ZCCHC7: variants seen among roughly 807,000 people sequenced by gnomAD.
ZCCHC7 encodes zinc finger CCHC domain-containing protein 7.
ZCCHC7 carries 35 observed loss-of-function variants against 52.0 expected under a neutral mutation model. The observed-to-expected ratio is 0.67, with a 90% CI of 0.51 to 0.89. The LOEUF is 0.89. ZCCHC7 is among the 40% of genes least tolerant of loss of function. The pLI is 0.00. For missense variants in ZCCHC7, 574 were observed against 649.1 expected (o/e 0.88, Z 1.26); for synonymous variants, 217 against 221.5 (o/e 0.98, Z 0.18).
At chr9:37,347,926 C>G (rs531520382) in intron 6 of ZCCHC7, among the ~76,000 whole-genome samples, 1 of 152,322 alleles carries the variant, frequency 6.6e-6, no homozygotes, top group South Asian at 2.1e-4. Context: ...ACTGTATTCT[C>G]CTATGTCTCT....
chr9:37,283,984 G>A (rs1828092549), intron 2 of ZCCHC7, among the ~76,000 whole-genome samples: 1 of 151,650 alleles, frequency 6.6e-6, no homozygotes, highest in African/African-American at 2.4e-5. Flanking sequence ...TTTTCCCTGG[G>A]GTGAAACAAA....
At chr9:37,273,535 AC>A (rs1827535601) in intron 2 of ZCCHC7, among the ~76,000 whole-genome samples, 1 of 152,156 alleles carries the variant, frequency 6.6e-6, no homozygotes, top group Non-Finnish European at 1.5e-5. Context: ...GTGTCCTGAC[AC>A]CTACTCTTAG....
intron 2 of ZCCHC7, among the ~76,000 whole-genome samples, chr9:37,130,334 CT>C (rs34589957): frequency 0.074 from 4,541 of 61,684 alleles, 77 homozygotes; most frequent in Non-Finnish European, 0.087. Flanking sequence ...GAATTCTCTC[CT>C]TTTTTTTTTT....
At chr9:37,149,902 G>A (rs766701772) in intron 2 of ZCCHC7, among the ~76,000 whole-genome samples, 1 of 152,130 alleles carries the variant, frequency 6.6e-6, no homozygotes, top group African/African-American at 2.4e-5. Flanking sequence ...AAATCAAGAC[G>A]CTGCTAAAAG....
intron 2 of ZCCHC7, among the ~76,000 whole-genome samples, chr9:37,279,016 TA>T (rs1398074303): frequency 6.6e-6 from 1 of 152,120 alleles, no homozygotes; most frequent in Non-Finnish European, 1.5e-5. Context: ...CTGTCTCTAT[TA>T]AAAAAATTAA....
At chr9:37,154,331 A>G (rs1298305660) in intron 2 of ZCCHC7, among the ~76,000 whole-genome samples, 1 of 152,216 alleles carries the variant, frequency 6.6e-6, no homozygotes, top group East Asian at 1.9e-4. Flanking sequence ...CTTAACCACC[A>G]TCTTGCATTG....
intron 2 of ZCCHC7, among the ~76,000 whole-genome samples, chr9:37,279,648 C>G: frequency 6.7e-6 from 1 of 150,334 alleles, no homozygotes; most frequent in Non-Finnish European, 1.5e-5. Context: ...CCTTTAAGCC[C>G]AAGAGTTTGA....
Position 37,168,401 on chromosome 9 carries a change from C to T in ZCCHC7, c.610+41459C>T, listed in dbSNP as rs570902508. Among the ~76,000 whole-genome samples the T allele has an allele frequency of 9.9e-5, 15 of 152,214 alleles. No individual in the cohort carries two copies. In the East Asian group the frequency reaches 2.7e-3, roughly 27 times the overall value. On this transcript the variant is annotated intron_variant, in intron 2 of 8. Coordinates refer to ENST00000336755, the MANE Select transcript of ZCCHC7 (RefSeq NM_032226.3). ...TAATAATTTGAGGTTTGACTTAATG[C>T]TTTAGAGCACATTAGACTGTTTCAC...
intron 1 of ZCCHC7, among the ~76,000 whole-genome samples, chr9:37,124,997 G>A (rs1465611968): frequency 2.0e-5 from 3 of 152,042 alleles, no homozygotes; most frequent in East Asian, 1.9e-4. Flanking sequence ...GATTATAGGC[G>A]CACACCACCA....
intron 2 of ZCCHC7, among the ~76,000 whole-genome samples, chr9:37,233,055 A>C (rs1825481194): frequency 6.6e-6 from 1 of 152,230 alleles, no homozygotes; most frequent in Admixed American, 6.5e-5. Flanking sequence ...ATCAAATGTT[A>C]ATGGATTCCT....
chr9:37,204,036 A>T (rs1044850470), intron 2 of ZCCHC7, among the ~76,000 whole-genome samples: 11 of 152,044 alleles, frequency 7.2e-5, no homozygotes, highest in Non-Finnish European at 1.3e-4. Flanking sequence ...TGTGGTTTTG[A>T]TTTGCATTTC....
At chr9:37,161,165 G>A (rs1821080793) in intron 2 of ZCCHC7, among the ~76,000 whole-genome samples, 1 of 151,900 alleles carries the variant, frequency 6.6e-6, no homozygotes, top group African/African-American at 2.4e-5. Flanking sequence ...GGCCAGACTG[G>A]TCTTGAACTC....
intron 2 of ZCCHC7, among the ~76,000 whole-genome samples, chr9:37,168,065 G>A (rs1183458440): frequency 1.3e-5 from 2 of 151,854 alleles, no homozygotes; most frequent in African/African-American, 4.8e-5. Flanking sequence ...TTTGTCTTTA[G>A]TCTTCCTGGG....
intron 6 of ZCCHC7, among the ~76,000 whole-genome samples, chr9:37,329,571 A>C (rs528117159): frequency 6.6e-6 from 1 of 152,008 alleles, no homozygotes; most frequent in South Asian, 2.1e-4. Flanking sequence ...TGAGTTTACT[A>C]TGCAAGTATA....
At chr9:37,326,620 A>G (rs2118131638) in intron 5 of ZCCHC7, among the ~76,000 whole-genome samples, 1 of 151,964 alleles carries the variant, frequency 6.6e-6, no homozygotes, top group Non-Finnish European at 1.5e-5. Context: ...TTGTCTAATC[A>G]CTTATGGTGG....
chr9:37,212,043 AAAAAAAAAAAAAAAAAAAAAAAG>A (rs1824259051), intron 2 of ZCCHC7, among the ~76,000 whole-genome samples: 3 of 81,630 alleles, frequency 3.7e-5, no homozygotes, highest in Non-Finnish European at 8.5e-5. Context: ...AAAAAAAAAA[AAAAAAAAAAAAAAAAAAAAAAAG>A]AAAATCTTTG....
At chr9:37,346,546 A>T (rs1820985435) in intron 6 of ZCCHC7, among the ~76,000 whole-genome samples, 1 of 152,104 alleles carries the variant, frequency 6.6e-6, no homozygotes, top group Non-Finnish European at 1.5e-5. Flanking sequence ...CATGGTGGCA[A>T]GCACCTATGG....
chr9:37,339,586 G>A (rs1830829477), intron 6 of ZCCHC7, among the ~76,000 whole-genome samples: 1 of 152,192 alleles, frequency 6.6e-6, no homozygotes. Context: ...TGATTGAAGA[G>A]GTGCCTAGGC....
intron 2 of ZCCHC7, among the ~76,000 whole-genome samples, chr9:37,178,218 T>C (rs1315751102): frequency 6.6e-6 from 1 of 152,076 alleles, no homozygotes; most frequent in Non-Finnish European, 1.5e-5. Context: ...CATGATAGAA[T>C]TTGGATATGT....
Sources: gnomAD v4.1 joint callset for allele counts (sites outside exome capture counted in the v4.1 genomes callset) on GRCh38, gnomAD v4.1.1 for gene constraint, MANE v1.5 for transcripts, NCBI Gene and HGNC (gene_info 2026-07-23, HGNC 2026-07-21) for gene names.